Variants in LRBA observed in about 807,000 individuals in gnomAD.
LRBA encodes LPS responsive beige-like anchor protein.
LRBA carries 176 observed loss-of-function variants against 330.0 expected under a neutral mutation model. The ratio of observed to expected loss-of-function variants is 0.53; its 90% CI spans 0.47 to 0.60. LRBA has a LOEUF of 0.60. Ranked by LOEUF, LRBA falls within the 20% of genes least tolerant of loss-of-function variation. LRBA has a pLI of 0.00. For missense variants in LRBA, 3,259 were observed against 3,444.8 expected (o/e 0.95, Z 1.35); for synonymous variants, 1,230 against 1,193.0 (o/e 1.03, Z -0.64).
intron 8 of LRBA, 46 bp downstream of exon 8, chr4:150,915,562 G>C (rs764515985): frequency 6.5e-7 from 1 of 1,548,388 alleles, no homozygotes; most frequent in South Asian, 1.2e-5. Flanking sequence ...AAAAGCTCAT[G>C]CTTTTAAAAT....
chr4:150,914,435 T>TAA (rs950854788), intron 8 of LRBA, 94 bp from the exon 9 acceptor site: 10 of 830,550 alleles, frequency 1.2e-5, no homozygotes, highest in Non-Finnish European at 1.8e-5. Flanking sequence ...TTGTCCATTC[T>TAA]AAACTGTATC....
chr4:150,415,043 G>C (rs976832873), intron 47 of LRBA, among the ~76,000 whole-genome samples: 28 of 152,064 alleles, frequency 1.8e-4, no homozygotes, highest in African/African-American at 6.8e-4. Context: ...ATAGATACAG[G>C]ACATAATTTG....
At chr4:150,730,064 C>T (rs191774609) in intron 36 of LRBA, among the ~76,000 whole-genome samples, 257 of 152,216 alleles carry the variant, frequency 1.7e-3, no homozygotes, top group Middle Eastern at 3.4e-3. Flanking sequence ...ACTGAGGAAA[C>T]TCTCCAGGAC....
At chr4:150,769,456 A>T (rs1265139827) in intron 34 of LRBA, among the ~76,000 whole-genome samples, 1 of 152,210 alleles carries the variant, frequency 6.6e-6, no homozygotes, top group Admixed American at 6.5e-5. Flanking sequence ...CCAATGGCAC[A>T]GTCTGAAGGT....
At chr4:150,465,967 A>AT (rs1173602145) in intron 44 of LRBA, among the ~76,000 whole-genome samples, 8 of 152,140 alleles carry the variant, frequency 5.3e-5, no homozygotes, top group Admixed American at 5.3e-4. Context: ...GAAATGTATT[A>AT]TAACAAGTAT....
chr4:150,753,892 A>T (rs572071476), intron 35 of LRBA, among the ~76,000 whole-genome samples: 5 of 151,892 alleles, frequency 3.3e-5, no homozygotes, highest in African/African-American at 1.2e-4. Flanking sequence ...ATGGCAAAAC[A>T]CCAACTCTAC....
In LRBA at chr4:150,866,161, T is replaced by C. The variant is rs75207514; in HGVS notation, c.2766+1510A>G. Among the ~76,000 whole-genome samples, 24 of 151,010 alleles carry C rather than the reference T, an allele frequency of 1.6e-4. No individual in the cohort carries two copies. In the East Asian group the frequency reaches 4.2e-3, roughly 27 times the overall value. On this transcript the variant is annotated intron_variant, in intron 22 of 56. Coordinates refer to ENST00000651943, the MANE Select transcript of LRBA (RefSeq NM_001364905.1). ...GTCAATTTTTTATTAAATAAATAGCTATATAATTATACAGTATTCCTTCTG... is the reference window on the plus strand; with the variant it reads ...GTCAATTTTTTATTAAATAAATAGCCATATAATTATACAGTATTCCTTCTG...
intron 54 of LRBA, among the ~76,000 whole-genome samples, 193 bp downstream of exon 54, chr4:150,285,740 A>G (rs1208188572): frequency 6.6e-6 from 1 of 152,260 alleles, no homozygotes; most frequent in African/African-American, 2.4e-5. Context: ...AGGACCTGCA[A>G]TGTGGCTAGT....
At chr4:150,766,850 G>A (rs756897504) in intron 34 of LRBA, among the ~76,000 whole-genome samples, 1 of 152,058 alleles carries the variant, frequency 6.6e-6, no homozygotes. Flanking sequence ...TGGAGAGGAA[G>A]AACTCAAAAC....
At chr4:150,692,641 AC>A (rs1168637243) in intron 36 of LRBA, among the ~76,000 whole-genome samples, 6 of 152,334 alleles carry the variant, frequency 3.9e-5, no homozygotes, top group African/African-American at 1.4e-4. Context: ...TGAGGAAGAG[AC>A]AGATAACCAA....
chr4:150,468,890 C>CAA (rs779406471), intron 43 of LRBA, among the ~76,000 whole-genome samples: 12 of 151,802 alleles, frequency 7.9e-5, no homozygotes, highest in Non-Finnish European at 1.6e-4. Flanking sequence ...ATTAGGGTAA[C>CAA]AGAGTTCATT....
intron 36 of LRBA, among the ~76,000 whole-genome samples, chr4:150,724,892 A>ATG (rs1329367177): frequency 1.4e-5 from 2 of 147,400 alleles, no homozygotes; most frequent in East Asian, 2.0e-4. Context: ...ACATATATAT[A>ATG]TGTATATATA....
chr4:150,647,961 T>C lies in LRBA; in HGVS notation c.5921+35590A>G, dbSNP rs150964296. On this transcript the variant is annotated intron_variant, in intron 37 of 56. Coordinates refer to ENST00000651943, the MANE Select transcript of LRBA (RefSeq NM_001364905.1). ...CAGAGTGTGAGGTTCAATAAATGTT[T>C]ACTATATTCAATTATCCAGTGAGTA... Among the ~76,000 whole-genome samples the C allele has an allele frequency of 7.3e-3, 1,101 of 151,674 alleles. 6 individuals carry two copies. The highest frequency in any genetic ancestry group is 0.014 in the Middle Eastern group (4 of 294).
chr4:150,852,676 T>A lies in LRBA; in HGVS notation c.3034A>T (p.Thr1012Ser). ...ESASNIELQT[T>S]NTSYEEMKAE... is the part of the protein sequence containing the mutation. ...TTCATTTCTTCATAAGATGTATTAG[T>A]AGTTTGCAGTTCAATATTAGATGCA... The change falls in exon 23 of 57, where the codon ACT becomes TCT. Residue 1012 changes from threonine (T) to serine (S), a missense_variant. Coordinates refer to ENST00000651943, the MANE Select transcript of LRBA (RefSeq NM_001364905.1). 2 of 1,614,114 alleles carry A rather than the reference T, an allele frequency of 1.2e-6. No individual in the cohort carries two copies. Among genetic ancestry groups the A allele is most frequent in the Non-Finnish European group, 1.7e-6 (2 of 1,179,982 alleles).
In LRBA at chr4:150,860,593, T is replaced by A. The variant is rs1212117; in HGVS notation, c.2766+7078A>T. The stretch of plus-strand genomic sequence containing the variant: ...CTGTAATCCCAGCATTTTGGGAGGC[T>A]GAGGCGCGTGGATCACGAGGTCAGG... On this transcript the variant is annotated intron_variant, in intron 22 of 56. Coordinates refer to ENST00000651943, the MANE Select transcript of LRBA (RefSeq NM_001364905.1). 6.6e-3 allele frequency among the ~76,000 whole-genome samples: 1,005 copies of A among 152,232 alleles called. 7 individuals are homozygous for A. The highest frequency in any genetic ancestry group is 0.02 in the Middle Eastern group (6 of 294).
intron 35 of LRBA, among the ~76,000 whole-genome samples, chr4:150,739,522 G>C (rs1214021489): frequency 6.6e-6 from 1 of 152,058 alleles, no homozygotes; most frequent in Non-Finnish European, 1.5e-5. Flanking sequence ...CTAACCTCCT[G>C]GTATCCACAG....
chr4:150,527,839 G>A (rs983333679), intron 40 of LRBA, among the ~76,000 whole-genome samples: 2 of 152,102 alleles, frequency 1.3e-5, no homozygotes, highest in African/African-American at 4.8e-5. Context: ...TGTTCTCCAG[G>A]GACAACTGAG....
At chr4:150,940,046 GA>G (rs1259923804) in intron 2 of LRBA, among the ~76,000 whole-genome samples, 2 of 151,928 alleles carry the variant, frequency 1.3e-5, no homozygotes, top group African/African-American at 4.8e-5. Context: ...ATATATTGCT[GA>G]GGAATATATA....
intron 2 of LRBA, among the ~76,000 whole-genome samples, chr4:150,956,554 G>A (rs1737569381): frequency 6.7e-6 from 1 of 148,754 alleles, no homozygotes; most frequent in Non-Finnish European, 1.5e-5. Flanking sequence ...CTTATGCCAA[G>A]ATCAGACAAA....
Sources: allele counts gnomAD v4.1 joint callset (sites outside exome capture counted in the v4.1 genomes callset), GRCh38; gene constraint gnomAD v4.1.1; transcripts MANE v1.5; gene names NCBI Gene and HGNC (gene_info 2026-07-23, HGNC 2026-07-21).